IL19: variants seen among roughly 807,000 people sequenced by gnomAD.
IL19 encodes interleukin-19.
Under a neutral mutation model 19.5 loss-of-function variants are expected in IL19, and 15 were observed. That is an observed-to-expected ratio of 0.77 (90% CI 0.52 to 1.19). IL19 has a LOEUF of 1.19. Among genes scored for constraint, IL19 ranks in the 50% most tolerant of loss-of-function variants. IL19 has a pLI of 0.00. For synonymous variants in IL19, 78 were observed against 78.3 expected, an observed-to-expected ratio of 1.00 and a Z score of 0.02; for missense variants, 199 against 213.1, an observed-to-expected ratio of 0.93 and a Z score of 0.41.
chr1:206,796,777 C>A (rs1441283338), intron 1 of IL19, among the ~76,000 whole-genome samples: 1 of 152,202 alleles, frequency 6.6e-6, no homozygotes, highest in Non-Finnish European at 1.5e-5. Context: ...AATAAGGCAT[C>A]TCCCAGAACA....
At position 206,810,306 on chromosome 1, in the gene IL19, T is replaced by C. The variant is rs140531842; in HGVS notation, c.-3+11300T>C. On this transcript the variant is annotated intron_variant, in intron 2 of 6. Coordinates refer to ENST00000659997, the MANE Select transcript of IL19 (RefSeq NM_153758.5). Reference sequence around the variant, plus strand: ...GTGGCTCTAAAATTTCTTGGTTGGCTGACTAAACCTTGGACTCAATGGTGG... The same window carrying C: ...GTGGCTCTAAAATTTCTTGGTTGGCCGACTAAACCTTGGACTCAATGGTGG... Among the ~76,000 whole-genome samples, 264 of 152,334 alleles carry C rather than the reference T, an allele frequency of 1.7e-3. 2 individuals carry two copies. The highest frequency in any genetic ancestry group is 6.0e-3 in the African/African-American group (250 of 41,570).
chr1:206,784,050 A>G (rs972222768), intron 1 of IL19, among the ~76,000 whole-genome samples: 1 of 152,172 alleles, frequency 6.6e-6, no homozygotes, highest in Non-Finnish European at 1.5e-5. Flanking sequence ...GAACAGACCA[A>G]TTTCAACTCC....
At chr1:206,841,117 G>A (rs1213068546) in intron 6 of IL19, 39 bp downstream of exon 6, 1 of 1,555,778 alleles carries the variant, frequency 6.4e-7, no homozygotes, top group Non-Finnish European at 8.9e-7. Flanking sequence ...TGGAAGATGA[G>A]AGGTAGATCA....
intron 2 of IL19, among the ~76,000 whole-genome samples, chr1:206,816,216 C>T (rs992961943): frequency 5.3e-5 from 8 of 151,964 alleles, no homozygotes; most frequent in African/African-American, 1.9e-4. Flanking sequence ...AGATGGAATT[C>T]TGAATATATG....
chr1:206,775,321 A>G (rs764049606), intron 1 of IL19, among the ~76,000 whole-genome samples: 1 of 152,016 alleles, frequency 6.6e-6, no homozygotes, highest in African/African-American at 2.4e-5. Context: ...CAGAGTGCTG[A>G]GATTACAGGC....
chr1:206,800,980 C>T lies in IL19; in HGVS notation c.-3+1974C>T, dbSNP rs185267505. The stretch of plus-strand genomic sequence containing the variant: ...ATGAGACATTACTCCTGCCTGTGGT[C>T]GTTGACCTCTGGCTTATGGAGCGAG... On this transcript the variant is annotated intron_variant, in intron 2 of 6. Transcript: ENST00000659997. Among the ~76,000 whole-genome samples the T allele has an allele frequency of 2.0e-4, 31 of 152,310 alleles. No individual in the cohort carries two copies. In the East Asian group the frequency reaches 3.7e-3, roughly 18 times the overall value.
intron 1 of IL19, among the ~76,000 whole-genome samples, chr1:206,794,442 G>A (rs1340919484): frequency 2.6e-5 from 4 of 151,920 alleles, no homozygotes; most frequent in Non-Finnish European, 4.4e-5. Flanking sequence ...CCATGACCCC[G>A]TGTCCCTCCT....
At chr1:206,820,558 C>T (rs1483584125) in intron 2 of IL19, among the ~76,000 whole-genome samples, 1 of 152,218 alleles carries the variant, frequency 6.6e-6, no homozygotes, top group African/African-American at 2.4e-5. Flanking sequence ...TTGCTGCCCT[C>T]ACCTCTAAAG....
chr1:206,817,400 C>T (rs1416228000), intron 2 of IL19, among the ~76,000 whole-genome samples: 1 of 152,186 alleles, frequency 6.6e-6, no homozygotes, highest in Admixed American at 6.5e-5. Flanking sequence ...AGTCAACTTG[C>T]AATATAAAGC....
chr1:206,825,492 G>T (rs1676404563), intron 2 of IL19, among the ~76,000 whole-genome samples: 1 of 152,168 alleles, frequency 6.6e-6, no homozygotes, highest in Admixed American at 6.5e-5. Flanking sequence ...CAACTTAGGT[G>T]CAAACCCTAG....
intron 6 of IL19, among the ~76,000 whole-genome samples, chr1:206,842,015 A>T (rs1471198538): frequency 1.3e-5 from 2 of 152,186 alleles, no homozygotes; most frequent in African/African-American, 2.4e-5. Context: ...ATAAGGCAGG[A>T]GACTTGGGTT....
chr1:206,798,581 A>G (rs1479275927), intron 1 of IL19, among the ~76,000 whole-genome samples: 1 of 151,390 alleles, frequency 6.6e-6, no homozygotes, highest in Non-Finnish European at 1.5e-5. Context: ...CCCTCCCATT[A>G]TATATGCCTC....
chr1:206,825,962 T>G (rs182789636), intron 2 of IL19, among the ~76,000 whole-genome samples: 1 of 152,304 alleles, frequency 6.6e-6, no homozygotes. Context: ...ACCTTCAAAC[T>G]GAGAGACCAA....
chr1:206,792,462 C>T (rs557194664), intron 1 of IL19, among the ~76,000 whole-genome samples: 3 of 152,024 alleles, frequency 2.0e-5, no homozygotes, highest in Non-Finnish European at 4.4e-5. Context: ...CCCCACCCCG[C>T]CTTTTTTTTT....
intron 2 of IL19, among the ~76,000 whole-genome samples, chr1:206,815,265 A>G (rs370458392): frequency 3.3e-5 from 5 of 152,312 alleles, no homozygotes; most frequent in African/African-American, 1.2e-4. Flanking sequence ...TCTGGACCAA[A>G]AAAACTTGGT....
At chr1:206,838,736 TTTCCC>T (rs528779104) in intron 4 of IL19, among the ~76,000 whole-genome samples, 11,067 of 116,494 alleles carry the variant, frequency 0.095, 587 homozygotes, top group East Asian at 0.15. Flanking sequence ...CTTCCCTTCC[TTTCCC>T]TTCCCTTCCC....
At chr1:206,809,298 C>T (rs1675938991) in intron 2 of IL19, among the ~76,000 whole-genome samples, 1 of 151,440 alleles carries the variant, frequency 6.6e-6, no homozygotes, top group African/African-American at 2.4e-5. Flanking sequence ...TTTCCACATA[C>T]CTATGTGAGA....
chr1:206,771,478 T>C, intron 1 of IL19: 1 of 1,310,324 alleles, frequency 7.6e-7, no homozygotes, highest in Non-Finnish European at 1.1e-6. Flanking sequence ...ATGCGGTCTT[T>C]TTGATGCCCT....
Position 206,803,229 on chromosome 1 carries a change from G to A in IL19, c.-3+4223G>A, listed in dbSNP as rs577847200. On this transcript the variant is annotated intron_variant, in intron 2 of 6. Transcript: ENST00000659997. ...AATGCAGTTACATCCATGGGCTTTC[G>A]CTGTTGCTGCTGAGAGAACTTGGGG... Among the ~76,000 whole-genome samples the A allele has an allele frequency of 7.9e-5, 12 of 152,126 alleles. No homozygotes were observed. In the East Asian group the frequency reaches 1.2e-3, roughly 15 times the overall value.
Sources: allele counts gnomAD v4.1 joint callset (sites outside exome capture counted in the v4.1 genomes callset), GRCh38; gene constraint gnomAD v4.1.1; transcripts MANE v1.5; gene names NCBI Gene and HGNC (gene_info 2026-07-23, HGNC 2026-07-21).